ANKFN1: variants seen among roughly 807,000 people sequenced by gnomAD.
The protein encoded by ANKFN1 is ankyrin repeat and fibronectin type III domain containing 1.
Under a neutral mutation model 108.7 loss-of-function variants are expected in ANKFN1, and 74 were observed. That is an observed-to-expected ratio of 0.68 (90% CI 0.56 to 0.83). The LOEUF (loss-of-function observed/expected upper bound fraction) is 0.83, where lower values mean the gene tolerates loss of function less well. ANKFN1 is among the 40% of genes least tolerant of loss of function. The pLI is 0.00. For synonymous variants in ANKFN1, 547 were observed against 516.2 expected (o/e 1.06, Z -0.81); for missense variants, 1,505 against 1,382.3 (o/e 1.09, Z -1.41).
At chr17:56,240,769 A>C (rs1917522888) in intron 3 of ANKFN1, among the ~76,000 whole-genome samples, 1 of 152,052 alleles carries the variant, frequency 6.6e-6, no homozygotes, top group Admixed American at 6.6e-5. Flanking sequence ...TTCAATTCCC[A>C]AATTTCTAGT....
chr17:56,467,637 A>G (rs1330361418), intron 15 of ANKFN1, among the ~76,000 whole-genome samples: 1 of 149,856 alleles, frequency 6.7e-6, no homozygotes. Context: ...AGATCACGCT[A>G]CTGCACTCCA....
intron 3 of ANKFN1, among the ~76,000 whole-genome samples, chr17:56,256,742 T>G (rs1455054796): frequency 6.6e-6 from 1 of 152,188 alleles, no homozygotes; most frequent in African/African-American, 2.4e-5. Context: ...ATCCTCCATT[T>G]TACAGATAGA....
At chr17:56,389,922 G>A (rs1207837558) in intron 8 of ANKFN1, among the ~76,000 whole-genome samples, 1 of 152,060 alleles carries the variant, frequency 6.6e-6, no homozygotes, top group Admixed American at 6.6e-5. Flanking sequence ...CTTTGTACAC[G>A]ATGGTCCCTG....
At chr17:56,067,095 A>G (rs927111054) in intron 4 of ANKFN1, among the ~76,000 whole-genome samples, 33 of 152,290 alleles carry the variant, frequency 2.2e-4, no homozygotes, top group Middle Eastern at 3.4e-3. Flanking sequence ...AGGCTGAGGC[A>G]GGAGAATCAG....
chr17:56,492,101 C>T lies in ANKFN1; in HGVS notation c.2261-86C>T, dbSNP rs2051058676. The T allele has an allele frequency of 2.2e-5, 14 of 647,690 alleles. No individual in the cohort carries two copies. The South Asian group carries it at 2.4e-4, about 11-fold the overall frequency. 40.1% of individuals were successfully genotyped at this position (647,690 alleles called of 1,614,324 possible). On this transcript the variant is annotated intron_variant, in intron 18 of 20. Transcript: ENST00000682825. ...TGATAGGATTAATAAATCATGTTTT[C>T]ATTCAACTTGTTTTCTCTGAGGTAT...
chr17:56,474,142 C>A (rs773816200), intron 15 of ANKFN1, among the ~76,000 whole-genome samples: 3 of 152,258 alleles, frequency 2.0e-5, no homozygotes, highest in East Asian at 1.9e-4. Flanking sequence ...TTCTTGATTT[C>A]TTTGTCCAGA....
chr17:56,050,915 G>A (rs1419082729), intron 4 of ANKFN1, among the ~76,000 whole-genome samples: 1 of 148,846 alleles, frequency 6.7e-6, no homozygotes, highest in Admixed American at 6.8e-5. Context: ...CTGAAATTGT[G>A]GCAATAATCA....
In ANKFN1 at chr17:56,298,200, A is replaced by C. The variant is rs189875738; in HGVS notation, c.54-28021A>C. The stretch of plus-strand genomic sequence containing the variant: ...AAGCAATTGATATAGAGCCCAAATC[A>C]ATGGAAAATACATACATATGGAAGA... On this transcript the variant is annotated intron_variant, in intron 3 of 20. Coordinates refer to ENST00000682825, the MANE Select transcript of ANKFN1 (RefSeq NM_001370326.1). Among the ~76,000 whole-genome samples the C allele has an allele frequency of 1.7e-3, 255 of 152,354 alleles. 1 individual carries two copies. The highest frequency in any genetic ancestry group is 6.0e-3 in the African/African-American group (251 of 41,592).
In ANKFN1 at chr17:56,326,261, C is replaced by T. The variant is rs779636138; in HGVS notation, c.94C>T (p.His32Tyr). ...RFACFAQRLS[H>Y]RRKQSQCDLL... ...CGCTTGCTTTGCACAGAGGCTGAGCCACAGGAGAAAGCAAAGCCAATGTGA... is the reference window on the plus strand; with the variant it reads ...CGCTTGCTTTGCACAGAGGCTGAGCTACAGGAGAAAGCAAAGCCAATGTGA... Residue 32 changes from histidine to tyrosine, a missense_variant, in exon 4 of 21, where the codon CAC (histidine) becomes TAC (tyrosine). By Grantham distance (83) the His-to-Tyr change is moderately conservative (BLOSUM62 2). Coordinates refer to ENST00000682825, the MANE Select transcript of ANKFN1 (RefSeq NM_001370326.1). 1.9e-6 allele frequency: 3 copies of T among 1,613,844 alleles called. No homozygotes were observed. In the South Asian group the frequency reaches 3.3e-5, roughly 18 times the overall value.
intron 2 of ANKFN1, among the ~76,000 whole-genome samples, chr17:56,221,599 A>G (rs557601910): frequency 6.6e-6 from 1 of 152,358 alleles, no homozygotes; most frequent in African/African-American, 2.4e-5. Context: ...ATAGCAATCA[A>G]GATATACAGA....
At chr17:56,353,763 A>G in intron 5 of ANKFN1, 73 bp from the exon 6 acceptor site, 1 of 1,397,616 alleles carries the variant, frequency 7.2e-7, no homozygotes, top group Non-Finnish European at 1.0e-6. Flanking sequence ...CAGTCTTTAA[A>G]CTTCAAAAGA....
intron 3 of ANKFN1, among the ~76,000 whole-genome samples, chr17:56,321,719 A>G (rs1478933413): frequency 1.3e-5 from 2 of 152,200 alleles, no homozygotes; most frequent in African/African-American, 2.4e-5. Flanking sequence ...TATACATCAT[A>G]TGTCACAAAT....
intron 3 of ANKFN1, among the ~76,000 whole-genome samples, chr17:56,286,651 C>T (rs555109947): frequency 6.6e-6 from 1 of 152,162 alleles, no homozygotes; most frequent in African/African-American, 2.4e-5. Flanking sequence ...AGTCTGTATC[C>T]TTTATATGAC....
chr17:56,306,231 T>C (rs942296923), intron 3 of ANKFN1, among the ~76,000 whole-genome samples: 3 of 152,248 alleles, frequency 2.0e-5, no homozygotes, highest in Non-Finnish European at 2.9e-5. Context: ...ATTAAATGTA[T>C]ATGCTAACTT....
At chr17:56,310,748 TTGTGTGTG>T (rs71137198) in intron 3 of ANKFN1, among the ~76,000 whole-genome samples, 11 of 150,084 alleles carry the variant, frequency 7.3e-5, no homozygotes, top group Admixed American at 1.3e-4. Flanking sequence ...CACAATTACT[TTGTGTGTG>T]TGTGTGTGTG....
intron 4 of ANKFN1, among the ~76,000 whole-genome samples, chr17:56,073,319 T>A (rs1302777919): frequency 6.6e-6 from 1 of 152,270 alleles, no homozygotes; most frequent in African/African-American, 2.4e-5. Flanking sequence ...CCTAACGTTT[T>A]ATTATGAAAA....
chr17:56,050,200 G>C (rs1432351080), intron 4 of ANKFN1, among the ~76,000 whole-genome samples: 3 of 150,352 alleles, frequency 2.0e-5, no homozygotes, highest in Non-Finnish European at 4.5e-5. Context: ...CTTTTGAGAA[G>C]TGTCTGTTCA....
chr17:56,128,827 T>A (rs537817246), intron 4 of ANKFN1, among the ~76,000 whole-genome samples: 1 of 152,320 alleles, frequency 6.6e-6, no homozygotes, highest in South Asian at 2.1e-4. Context: ...TATAAACTCT[T>A]GGAACTGCTT....
chr17:56,194,108 G>C (rs1913267923), intron 1 of ANKFN1, among the ~76,000 whole-genome samples: 1 of 152,180 alleles, frequency 6.6e-6, no homozygotes, highest in South Asian at 2.1e-4. Flanking sequence ...CCAAAATCCA[G>C]AATGCTGAGA....
Sources: gnomAD v4.1 joint callset for allele counts (sites outside exome capture counted in the v4.1 genomes callset) on GRCh38, gnomAD v4.1.1 for gene constraint, MANE v1.5 for transcripts, NCBI Gene and HGNC (gene_info 2026-07-23, HGNC 2026-07-21) for gene names.